The following DDX3X variants were observed in gnomAD, a reference collection of about 807,000 sequenced individuals.
The protein encoded by DDX3X is ATP-dependent RNA helicase DDX3X.
A neutral mutation model predicts 52.7 loss-of-function variants in DDX3X; 4 were observed. That is an observed-to-expected ratio of 0.08 (90% confidence interval 0.04 to 0.17). The LOEUF (loss-of-function observed/expected upper bound fraction) is 0.17. Among genes scored for constraint, DDX3X ranks in the 10% least tolerant of loss-of-function variants. The pLI is 1.00. For synonymous variants in DDX3X, 192 were observed against 178.1 expected (o/e 1.08, Z -0.62); for missense variants, 222 against 548.6 (o/e 0.40, Z 5.95).
downstream of DDX3X, among the ~76,000 whole-genome samples, chrX:41,352,163 G>A (rs759044117): frequency 2.7e-5 from 3 of 111,483 alleles, no homozygotes; most frequent in Admixed American, 9.6e-5. Context: ...TAGGTGAACA[G>A]CCACATCCCC....
chrX:41,346,231 A>G lies in DDX3X; in HGVS notation c.1318A>G (p.Lys440Glu). Residue 440 changes from lysine (K) to glutamate (E), a missense_variant and splice_region_variant, in exon 13 of 17, where the codon AAG becomes GAG. By Grantham distance (56) the Lys-to-Glu change is moderately conservative. Transcript: ENST00000644876. ...FLLDLLNATGKDSLTLVFVET... is the reference protein window; with the variant it reads ...FLLDLLNATGEDSLTLVFVET... Reference sequence around the variant, plus strand: ...AACCTATAATTTTTCAACGACAGGCAAGGATTCACTGACCTTAGTGTTTGT... The same window carrying G: ...AACCTATAATTTTTCAACGACAGGCGAGGATTCACTGACCTTAGTGTTTGT... The G allele has an allele frequency of 8.3e-7, 1 of 1,201,289 alleles. No individual in the cohort carries two copies. The highest frequency in any genetic ancestry group is 1.1e-6 in the Non-Finnish European group (1 of 892,432).
intron 5 of DDX3X, among the ~76,000 whole-genome samples, chrX:41,363,750 T>C (rs192768259): frequency 9.0e-6 from 1 of 110,901 alleles, no homozygotes; most frequent in East Asian, 2.8e-4. Context: ...ACCATTGCAC[T>C]CCAGCCTGGG....
At chrX:41,351,159 G>GA (rs1202190775), downstream of DDX3X, 1 of 111,660 alleles carries the variant, frequency 9.0e-6, no homozygotes, top group Non-Finnish European at 1.9e-5. Flanking sequence ...CTCATGGAGT[G>GA]AAACGATGCT....
chrX:41,333,463 T>TCTTCC (rs2063705919), upstream of DDX3X: 1 of 102,623 alleles, frequency 9.7e-6, no homozygotes. Flanking sequence ...TCTCTCCTCC[T>TCTTCC]CTTCCCCTCC....
At position 41,342,719 on chromosome X, in the gene DDX3X, T is replaced by C. The variant is rs369007114; in HGVS notation, c.444-18T>C. Reference sequence around the variant, plus strand: ...CTAGCTAGTATAACAAATGAACTTATCCATTTTTTGATTTGAGGGAACTCT... The same window carrying C: ...CTAGCTAGTATAACAAATGAACTTACCCATTTTTTGATTTGAGGGAACTCT... On this transcript the variant is annotated intron_variant, in intron 5 of 16. Coordinates refer to ENST00000644876, the MANE Select transcript of DDX3X (RefSeq NM_001356.5). The C allele has an allele frequency of 1.8e-4, 221 of 1,207,656 alleles. No individual in the cohort carries two copies. The highest frequency in any genetic ancestry group is 5.6e-4 in the South Asian group (32 of 56,772).
downstream of DDX3X, among the ~76,000 whole-genome samples, chrX:41,354,425 G>A (rs1483526372): frequency 1.0e-5 from 1 of 96,814 alleles, no homozygotes; most frequent in Non-Finnish European, 2.0e-5. Context: ...CCAGGCTCAA[G>A]CAATCCTCCC....
chrX:41,342,714 A>C, intron 5 of DDX3X, 23 bp from the exon 6 acceptor site: 1 of 1,208,382 alleles, frequency 8.3e-7, no homozygotes, highest in Non-Finnish European at 1.1e-6. Context: ...TAACAAATGA[A>C]CTTATCCATT....
downstream of DDX3X, among the ~76,000 whole-genome samples, chrX:41,353,480 T>C (rs2063997013): frequency 9.8e-6 from 1 of 101,917 alleles, no homozygotes; most frequent in African/African-American, 3.6e-5. Flanking sequence ...AAAATATATA[T>C]ATATTGTATT....
intron 5 of DDX3X, among the ~76,000 whole-genome samples, chrX:41,358,820 G>A (rs767643612): frequency 7.2e-5 from 8 of 111,229 alleles, no homozygotes; most frequent in Admixed American, 5.8e-4. Context: ...GTACAATGGC[G>A]CCATCTTGGC....
At chrX:41,344,501 G>C in intron 10 of DDX3X, 102 bp downstream of exon 10, 2 of 970,687 alleles carry the variant, frequency 2.1e-6, no homozygotes, top group Non-Finnish European at 1.5e-6. Flanking sequence ...GCCATGGCGC[G>C]ATCTCGGCTC....
chrX:41,351,866 C>T (rs772490421), downstream of DDX3X, among the ~76,000 whole-genome samples: 1 of 110,261 alleles, frequency 9.1e-6, no homozygotes, highest in African/African-American at 3.3e-5. Flanking sequence ...TGACAAAGCA[C>T]TGTTTAATTA....
intron 2 of DDX3X, chrX:41,338,217 C>G (rs41309723): frequency 9.0e-6 from 1 of 110,653 alleles, no homozygotes; most frequent in African/African-American, 3.3e-5. Flanking sequence ...AGATCTCTTC[C>G]TACTTATTAA....
chrX:41,359,298 T>C (rs2064019907), intron 5 of DDX3X, among the ~76,000 whole-genome samples: 1 of 112,231 alleles, frequency 8.9e-6, no homozygotes, highest in Admixed American at 9.5e-5. Flanking sequence ...TTCATTTTCT[T>C]GCATGGACAT....
chrX:41,337,533 T>C, intron 2 of DDX3X, 68 bp downstream of exon 2: 5 of 980,242 alleles, frequency 5.1e-6, no homozygotes, highest in African/African-American at 1.9e-5. Context: ...ATTGGGCTTA[T>C]GTAAAATTTA....
Position 41,346,213 on chromosome X carries a change from A to G in DDX3X, c.1316-16A>G, listed in dbSNP as rs1569239886. ...AGCCATGTTAGTGACAAAAACCTATAATTTTTCAACGACAGGCAAGGATTC... is the reference window on the plus strand; with the variant it reads ...AGCCATGTTAGTGACAAAAACCTATGATTTTTCAACGACAGGCAAGGATTC... On this transcript the variant is annotated splice_polypyrimidine_tract_variant and intron_variant, in intron 12 of 16. Coordinates refer to ENST00000644876, the MANE Select transcript of DDX3X (RefSeq NM_001356.5). 8.4e-7 allele frequency: 1 copy of G among 1,194,536 alleles called. No homozygotes were observed. The highest frequency in any genetic ancestry group is 2.8e-4 in the Middle Eastern group (1 of 3,561).
chrX:41,356,665 C>A (rs72626412), intron 5 of DDX3X, among the ~76,000 whole-genome samples: 7,929 of 108,110 alleles, frequency 0.073, 298 homozygotes, highest in East Asian at 0.35. Flanking sequence ...GGGGTTTCAC[C>A]GTGTTGGTCA....
At chrX:41,334,480 C>A (rs1569230594) in intron 1 of DDX3X, 183 bp downstream of exon 1, 2 of 1,097,093 alleles carry the variant, frequency 1.8e-6, no homozygotes, top group Non-Finnish European at 2.4e-6. Flanking sequence ...GTCGCCCGGG[C>A]CCGGTCTCGG....
chrX:41,361,900 C>A (rs1318445237), intron 5 of DDX3X, among the ~76,000 whole-genome samples: 1 of 110,876 alleles, frequency 9.0e-6, no homozygotes, highest in Non-Finnish European at 1.9e-5. Flanking sequence ...TCCCTGCCTT[C>A]TCCAGGGTCC....
At chrX:41,340,962 G>A (rs2063841267) in intron 3 of DDX3X, 2 of 276,979 alleles carry the variant, frequency 7.2e-6, no homozygotes, top group Admixed American at 1.3e-4. Flanking sequence ...TAGACTGTCA[G>A]ATTGCTTGAT....
Sources: gnomAD v4.1 joint callset for allele counts (sites outside exome capture counted in the v4.1 genomes callset) on GRCh38, gnomAD v4.1.1 for gene constraint, MANE v1.5 for transcripts, NCBI Gene and HGNC (gene_info 2026-07-23, HGNC 2026-07-21) for gene names.